CEP112: variants seen among roughly 807,000 people sequenced by gnomAD.
The protein encoded by CEP112 is centrosomal protein 112.
Under a neutral mutation model 153.0 loss-of-function variants are expected in CEP112, and 127 were observed. That is an observed-to-expected ratio of 0.83 (90% CI 0.72 to 0.96). CEP112 has a LOEUF of 0.96. CEP112 is among the 40% of genes least tolerant of loss of function. The probability of loss-of-function intolerance (pLI) is 0.00; values close to 1 mark genes in which losing one functional copy is unlikely to be tolerated. For missense variants in CEP112, 1,089 were observed against 1,101.2 expected, an observed-to-expected ratio of 0.99 and a Z score of 0.16; for synonymous variants, 358 against 374.4, an observed-to-expected ratio of 0.96 and a Z score of 0.51.
intron 12 of CEP112, among the ~76,000 whole-genome samples, chr17:66,049,988 T>C (rs1365873804): frequency 6.9e-6 from 1 of 145,574 alleles, no homozygotes; most frequent in African/African-American, 2.5e-5. Context: ...GAAATAATGA[T>C]TGTAAATACT....
chr17:66,108,159 G>A (rs545714829), intron 6 of CEP112, among the ~76,000 whole-genome samples: 130 of 152,104 alleles, frequency 8.5e-4, no homozygotes, highest in Middle Eastern at 3.4e-3. Context: ...AAAAATGTAG[G>A]AAAAACTTAA....
rs191160162 is a variant in CEP112 at position 65,832,320 on chromosome 17, C to T, written c.2394+19484G>A. Among the ~76,000 whole-genome samples the T allele has an allele frequency of 8.3e-3, 1,249 of 149,678 alleles. 13 individuals carry two copies. The highest frequency in any genetic ancestry group is 0.02 in the South Asian group (97 of 4,756). ...AAGAACAAATCAACCTCAAAGCTAG[C>T]AGAAGAGAAGAAATAACCAAAACGA... On this transcript the variant is annotated intron_variant, in intron 21 of 26. Coordinates refer to ENST00000535342, the MANE Select transcript of CEP112 (RefSeq NM_001199165.4).
chr17:65,845,698 A>T (rs2057703261), intron 21 of CEP112, among the ~76,000 whole-genome samples: 1 of 152,210 alleles, frequency 6.6e-6, no homozygotes, highest in African/African-American at 2.4e-5. Flanking sequence ...ATTACACACT[A>T]TCATCACTTA....
At chr17:65,725,257 C>T (rs1355050158) in intron 23 of CEP112, among the ~76,000 whole-genome samples, 2 of 152,012 alleles carry the variant, frequency 1.3e-5, no homozygotes, top group African/African-American at 2.4e-5. Flanking sequence ...TTAAAGCTGC[C>T]TTGAAAACAA....
chr17:65,983,717 T>A (rs1406307033), intron 17 of CEP112, among the ~76,000 whole-genome samples: 1 of 152,210 alleles, frequency 6.6e-6, no homozygotes, highest in South Asian at 2.1e-4. Flanking sequence ...AAGCTTCTTG[T>A]ACAGTCTGTA....
At chr17:66,166,726 C>T (rs549593559) in intron 4 of CEP112, among the ~76,000 whole-genome samples, 10 of 151,978 alleles carry the variant, frequency 6.6e-5, no homozygotes, top group Admixed American at 5.9e-4. Flanking sequence ...GATGAAACCT[C>T]GTGTCTACTA....
intron 6 of CEP112, among the ~76,000 whole-genome samples, chr17:66,099,330 C>T (rs547041208): frequency 1.3e-5 from 2 of 151,902 alleles, no homozygotes; most frequent in Non-Finnish European, 2.9e-5. Context: ...ATGGTGAAAC[C>T]CCGTCTCTAC....
chr17:66,151,583 C>T (rs960054024), intron 4 of CEP112, among the ~76,000 whole-genome samples: 4 of 152,224 alleles, frequency 2.6e-5, no homozygotes, highest in African/African-American at 7.2e-5. Context: ...TTCCATCATG[C>T]TTACCTCTCT....
chr17:65,878,833 T>TAA (rs368848280), intron 20 of CEP112, among the ~76,000 whole-genome samples: 18 of 137,814 alleles, frequency 1.3e-4, no homozygotes, highest in South Asian at 4.6e-4. Flanking sequence ...GGCTCTTCCC[T>TAA]AAAAAAAAAA....
intron 4 of CEP112, among the ~76,000 whole-genome samples, chr17:66,155,899 A>G (rs2071418041): frequency 6.6e-6 from 1 of 152,190 alleles, no homozygotes; most frequent in Non-Finnish European, 1.5e-5. Flanking sequence ...GCTTATAGAT[A>G]AAACTCCCAT....
At chr17:65,745,481 G>A (rs1276642835) in intron 22 of CEP112, among the ~76,000 whole-genome samples, 1 of 152,152 alleles carries the variant, frequency 6.6e-6, no homozygotes, top group African/African-American at 2.4e-5. Context: ...AGAGCCAGAG[G>A]AGCCAGGGAT....
chr17:65,832,418 G>GAA (rs869138180), intron 21 of CEP112, among the ~76,000 whole-genome samples: 2 of 126,950 alleles, frequency 1.6e-5, no homozygotes, highest in African/African-American at 5.8e-5. Context: ...TTGTTTTTTG[G>GAA]AAAAAAAAAA....
chr17:65,925,588 G>T (rs1258563234), intron 19 of CEP112, among the ~76,000 whole-genome samples: 2 of 152,120 alleles, frequency 1.3e-5, no homozygotes. Context: ...TCCAGTTCCA[G>T]CATTTTCTAC....
intron 4 of CEP112, 71 bp downstream of exon 4, chr17:66,174,973 G>A: frequency 1.9e-6 from 2 of 1,051,450 alleles, no homozygotes; most frequent in Non-Finnish European, 2.6e-6. Context: ...AGGAAAAACA[G>A]AATGTATAAA....
At position 65,702,994 on chromosome 17, in the gene CEP112, G is replaced by C. The variant is rs573246553; in HGVS notation, c.2608-13776C>G. Among the ~76,000 whole-genome samples the C allele has an allele frequency of 7.9e-4, 121 of 152,216 alleles. 1 individual carries two copies. Among genetic ancestry groups the C allele is most frequent in the African/African-American group, 2.8e-3 (116 of 41,516 alleles). ...GGTGAGATCTGGGTGGGGACACAGA[G>C]CCAAATCATATCAATAAGTATGTAT... On this transcript the variant is annotated intron_variant, in intron 23 of 26. Coordinates refer to ENST00000535342, the MANE Select transcript of CEP112 (RefSeq NM_001199165.4).
Position 65,766,935 on chromosome 17 carries a change from T to C in CEP112, c.2395-16211A>G, listed in dbSNP as rs183024030. Among the ~76,000 whole-genome samples the C allele has an allele frequency of 4.4e-3, 637 of 144,810 alleles. 9 individuals carry two copies. The highest frequency in any genetic ancestry group is 0.016 in the African/African-American group (597 of 38,152). On this transcript the variant is annotated intron_variant, in intron 21 of 26. Coordinates refer to ENST00000535342, the MANE Select transcript of CEP112 (RefSeq NM_001199165.4). ...TAATGGACATGAAGGGAGAAACAGATAGCAATACAGTAATAGTGGGGACTT... is the reference window on the plus strand; with the variant it reads ...TAATGGACATGAAGGGAGAAACAGACAGCAATACAGTAATAGTGGGGACTT...
intron 4 of CEP112, among the ~76,000 whole-genome samples, chr17:66,170,166 G>C (rs1202363181): frequency 6.6e-6 from 1 of 152,080 alleles, no homozygotes; most frequent in East Asian, 1.9e-4. Context: ...ATAATCTATT[G>C]GTTAGAAGCA....
At chr17:66,019,439 A>C (rs1398357238) in intron 16 of CEP112, among the ~76,000 whole-genome samples, 2 of 152,218 alleles carry the variant, frequency 1.3e-5, no homozygotes, top group African/African-American at 4.8e-5. Flanking sequence ...GGGATATAAG[A>C]CATCAAAACT....
chr17:66,125,269 T>C lies in CEP112; in HGVS notation c.642+4477A>G, dbSNP rs188873070. 5.9e-5 allele frequency among the ~76,000 whole-genome samples: 9 copies of C among 152,352 alleles called. No individual in the cohort carries two copies. In the East Asian group the frequency reaches 1.2e-3, roughly 20 times the overall value. ...TTGTCCTAGTCTCAAAATCTGACACTTTCACTCATTTGTGGAAAACTACAG... is the reference window on the plus strand; with the variant it reads ...TTGTCCTAGTCTCAAAATCTGACACCTTCACTCATTTGTGGAAAACTACAG... On this transcript the variant is annotated intron_variant, in intron 6 of 26. Transcript: ENST00000535342.
Sources: allele counts gnomAD v4.1 joint callset (sites outside exome capture counted in the v4.1 genomes callset), GRCh38; gene constraint gnomAD v4.1.1; transcripts MANE v1.5; gene names NCBI Gene and HGNC (gene_info 2026-07-23, HGNC 2026-07-21).